Variants in NUB1 observed in about 807,000 individuals in gnomAD.
NUB1 encodes the protein NEDD8 ultimate buster 1.
In NUB1, 41 loss-of-function variants were observed where a neutral mutation model predicts 77.1. The ratio of observed to expected loss-of-function variants is 0.53; its 90% confidence interval spans 0.41 to 0.69. The LOEUF (loss-of-function observed/expected upper bound fraction) is 0.69. Ranked by LOEUF, NUB1 falls within the 30% of genes least tolerant of loss-of-function variation. The probability of loss-of-function intolerance (pLI) is 0.00; values close to 1 mark genes in which losing one functional copy is unlikely to be tolerated. For synonymous variants in NUB1, 257 were observed against 281.0 expected (o/e 0.91, Z 0.85); for missense variants, 643 against 743.8 (o/e 0.86, Z 1.58).
At chr7:151,367,207 C>G in intron 9 of NUB1, 82 bp downstream of exon 9, 1 of 1,130,466 alleles carries the variant, frequency 8.8e-7, no homozygotes, top group Non-Finnish European at 1.3e-6. Context: ...ATTTGAACTA[C>G]TGCCAGAAGG....
In NUB1 at chr7:151,376,729, C is replaced by T. The variant is rs749991383; in HGVS notation, c.1587C>T (p.Asn529=). ...TGGCCGCCCAGACCCTTGCTCACAA[C>T]GGAGGAAGCCTGCCTCCCGAGCTGC... is the stretch of plus-strand genomic sequence containing the variant. ...VQLAAQTLAH[N]GGSLPPELPL... The change falls in exon 14 of 15, where the codon AAC becomes AAT. Residue 529 remains asparagine (N), a synonymous_variant. Transcript: ENST00000568733. 3.4e-5 allele frequency: 55 copies of T among 1,604,522 alleles called. No individual in the cohort carries two copies. The highest frequency in any genetic ancestry group is 9.0e-5 in the East Asian group (4 of 44,486).
chr7:151,368,730 T>G lies in NUB1; in HGVS notation c.1096-5T>G. The G allele has an allele frequency of 6.3e-7, 1 of 1,599,418 alleles. No homozygotes were observed. The highest frequency in any genetic ancestry group is 8.5e-7 in the Non-Finnish European group (1 of 1,172,754). ...TACATGATTCTTACATTTCCCTGTC[T>G]CTAGGCACGTCAGCTCTTTAAAGAG... On this transcript the variant is annotated splice_region_variant and splice_polypyrimidine_tract_variant and intron_variant, in intron 10 of 14. Coordinates refer to ENST00000568733, the MANE Select transcript of NUB1 (RefSeq NM_001243351.2).
intron 2 of NUB1, 54 bp from the exon 3 acceptor site, chr7:151,349,019 A>G: frequency 6.6e-7 from 1 of 1,517,172 alleles, no homozygotes; most frequent in East Asian, 2.3e-5. Context: ...CCTTTTCTAT[A>G]TTTTGCCTTT....
At chr7:151,361,971 CATAAAA>C (rs67778727) in intron 8 of NUB1, among the ~76,000 whole-genome samples, 1,905 of 152,196 alleles carry the variant, frequency 0.013, 20 homozygotes, top group Non-Finnish European at 0.018. Flanking sequence ...TTCAAATAGT[CATAAAA>C]ATAAAAATTA....
At position 151,352,535 on chromosome 7, in the gene NUB1, G is replaced by A. The variant is rs187806163; in HGVS notation, c.345-277G>A. On this transcript the variant is annotated intron_variant, in intron 4 of 14. Coordinates refer to ENST00000568733, the MANE Select transcript of NUB1 (RefSeq NM_001243351.2). ...TATAGCTCATTGCAACCTCAAACTC[G>A]CGGTTCAAGCAATCCTCCTACCCAA... Among the ~76,000 whole-genome samples the A allele has an allele frequency of 9.3e-4, 141 of 152,154 alleles. 1 individual carries two copies. Among genetic ancestry groups the A allele is most frequent in the African/African-American group, 3.2e-3 (131 of 41,490 alleles).
chr7:151,376,545 A>G, intron 13 of NUB1, 89 bp from the exon 14 acceptor site: 1 of 1,281,578 alleles, frequency 7.8e-7, no homozygotes, highest in East Asian at 2.5e-5. Context: ...GCTCTTAAAC[A>G]TGAGAGTCGG....
At chr7:151,368,046 A>C in intron 10 of NUB1, 78 bp downstream of exon 10, 1 of 826,820 alleles carries the variant, frequency 1.2e-6, no homozygotes, top group South Asian at 1.6e-5. Flanking sequence ...TTAACTTAGT[A>C]GTTTGTGACT....
chr7:151,351,477 G>A lies in NUB1; in HGVS notation c.339G>A (p.Arg113=). 6.2e-7 allele frequency: 1 copy of A among 1,611,788 alleles called. No individual in the cohort carries two copies. Among genetic ancestry groups the A allele is most frequent in the Non-Finnish European group, 8.5e-7 (1 of 1,178,268 alleles). The change falls in exon 4 of 15, where the codon AGG becomes AGA. Residue 113 remains arginine (R), a synonymous_variant. Coordinates refer to ENST00000568733, the MANE Select transcript of NUB1 (RefSeq NM_001243351.2). ...TRLHITGREL[R]SKIAETFGLQ... ...TGCACATCACTGGCAGAGAACTGAG[G>A]TCCAAGTAAGTATCTGTGTGCTCTG...
intron 7 of NUB1, among the ~76,000 whole-genome samples, chr7:151,358,763 C>A (rs1317050815): frequency 6.6e-6 from 1 of 152,148 alleles, no homozygotes. Context: ...TTTTGGATCA[C>A]CTTTTAAAAA....
At chr7:151,345,490 T>C (rs769950657) in intron 2 of NUB1, 24 bp downstream of exon 2, 1 of 1,154,492 alleles carries the variant, frequency 8.7e-7, no homozygotes. Flanking sequence ...AAGACATCAA[T>C]AATTAGCAGC....
intron 3 of NUB1, among the ~76,000 whole-genome samples, chr7:151,350,359 T>G (rs1174202674): frequency 6.6e-6 from 1 of 152,226 alleles, no homozygotes; most frequent in East Asian, 1.9e-4. Flanking sequence ...TTTCCCAGTC[T>G]GCTAAGTAAC....
chr7:151,347,571 C>T (rs114377053), intron 2 of NUB1, among the ~76,000 whole-genome samples: 8,393 of 152,244 alleles, frequency 0.055, 467 homozygotes, highest in African/African-American at 0.14. Context: ...GATTCTCCCA[C>T]CTCAGCCTTG....
At chr7:151,372,770 C>A (rs541462596) in intron 11 of NUB1, among the ~76,000 whole-genome samples, 380 of 152,160 alleles carry the variant, frequency 2.5e-3, no homozygotes, top group Admixed American at 5.0e-3. Context: ...AATGACGGAG[C>A]CTGCTGCCCT....
At position 151,378,025 on chromosome 7, in the gene NUB1, T is replaced by G. The variant is rs1318253870; in HGVS notation, c.*800T>G. The G allele has an allele frequency of 6.6e-6, 1 of 152,282 alleles. No homozygotes were observed. The highest frequency in any genetic ancestry group is 1.5e-5 in the Non-Finnish European group (1 of 68,056). The allele number at this position is 152,282 out of a possible 1,614,324, so 9.4% of individuals were successfully genotyped here. A position where few individuals can be genotyped will look rare whatever the true frequency, so the allele number is the denominator to read the frequency against. ...AACTCACTGCTAGCTAAGAGACCTA[T>G]CAGAGATTTAGATATATTTTCTCCA... On this transcript the variant is annotated 3_prime_UTR_variant, in exon 15 of 15. Coordinates refer to ENST00000568733, the MANE Select transcript of NUB1 (RefSeq NM_001243351.2).
At chr7:151,350,907 C>G (rs1796763525) in intron 3 of NUB1, among the ~76,000 whole-genome samples, 1 of 152,166 alleles carries the variant, frequency 6.6e-6, no homozygotes, top group South Asian at 2.1e-4. Context: ...CGATGGAAAA[C>G]TGTTCACAAT....
chr7:151,376,964 C>T (rs1798320294), intron 14 of NUB1, 83 bp from the exon 15 acceptor site: 9 of 1,417,590 alleles, frequency 6.3e-6, no homozygotes, highest in Admixed American at 5.1e-5. Context: ...GCAAGAGGCA[C>T]AGTCTGAGGT....
intron 11 of NUB1, among the ~76,000 whole-genome samples, chr7:151,369,652 G>A (rs562385070): frequency 6.6e-6 from 1 of 152,320 alleles, no homozygotes; most frequent in South Asian, 2.1e-4. Context: ...GTTCTGCAGT[G>A]AAAGAACTGA....
intron 4 of NUB1, chr7:151,352,177 C>T: frequency 2.2e-6 from 1 of 456,660 alleles, no homozygotes; most frequent in South Asian, 1.5e-5. Context: ...TGGGCTTCTC[C>T]AGGGAGACCA....
chr7:151,350,627 A>T (rs1034969786), intron 3 of NUB1, among the ~76,000 whole-genome samples: 6 of 152,264 alleles, frequency 3.9e-5, no homozygotes, highest in Non-Finnish European at 7.3e-5. Flanking sequence ...GTAATACTAC[A>T]AACTAATAAT....
Sources: gnomAD v4.1 joint callset for allele counts (sites outside exome capture counted in the v4.1 genomes callset) on GRCh38, gnomAD v4.1.1 for gene constraint, MANE v1.5 for transcripts, NCBI Gene and HGNC (gene_info 2026-07-23, HGNC 2026-07-21) for gene names.